REC114: variants seen among roughly 807,000 people sequenced by gnomAD.
The protein encoded by REC114 is REC114 meiotic recombination protein.
A neutral mutation model predicts 31.3 loss-of-function variants in REC114; 27 were observed. The observed-to-expected ratio is 0.86, with a 90% CI of 0.64 to 1.19. The LOEUF is 1.19. Ranked by LOEUF, REC114 falls within the 50% of genes most tolerant of loss-of-function variation. The pLI is 0.00. For synonymous variants in REC114, 134 were observed against 127.7 expected (o/e 1.05, Z -0.33); for missense variants, 344 against 326.9 (o/e 1.05, Z -0.40).
At chr15:73,518,951 C>T (rs997407521) in intron 2 of REC114, among the ~76,000 whole-genome samples, 3 of 152,134 alleles carry the variant, frequency 2.0e-5, no homozygotes, top group Non-Finnish European at 2.9e-5. Context: ...ATCTTAAAGA[C>T]ACATTGAGGC....
At chr15:73,537,253 C>T (rs1358079093) in intron 2 of REC114, among the ~76,000 whole-genome samples, 1 of 152,080 alleles carries the variant, frequency 6.6e-6, no homozygotes, top group East Asian at 1.9e-4. Context: ...AACAGAGTCA[C>T]CTAGTTGAGA....
At chr15:73,542,691 T>C (rs954160424) in intron 3 of REC114, among the ~76,000 whole-genome samples, 3 of 152,206 alleles carry the variant, frequency 2.0e-5, no homozygotes, top group Non-Finnish European at 2.9e-5. Flanking sequence ...CTTGTGCTAA[T>C]TGAGTGTCCA....
intron 2 of REC114, among the ~76,000 whole-genome samples, chr15:73,538,807 C>T (rs1894198004): frequency 6.6e-6 from 1 of 151,840 alleles, no homozygotes; most frequent in African/African-American, 2.4e-5. Flanking sequence ...CTACTTTTTA[C>T]ACCTGTATAG....
chr15:73,505,952 CT>C (rs1893670024), intron 2 of REC114, among the ~76,000 whole-genome samples: 1 of 152,132 alleles, frequency 6.6e-6, no homozygotes, highest in Admixed American at 6.6e-5. Context: ...TTTATTCCTA[CT>C]AATGGAGCGG....
intron 2 of REC114, among the ~76,000 whole-genome samples, chr15:73,487,862 C>T (rs1893392998): frequency 6.6e-6 from 1 of 151,648 alleles, no homozygotes; most frequent in Admixed American, 6.6e-5. Flanking sequence ...GTGGCCCCAC[C>T]ATGTGGTATT....
chr15:73,545,868 T>C (rs1894301505), intron 3 of REC114, among the ~76,000 whole-genome samples: 1 of 152,216 alleles, frequency 6.6e-6, no homozygotes, highest in African/African-American at 2.4e-5. Context: ...ATAGCTAATA[T>C]AAGGGTACTT....
chr15:73,454,936 T>C (rs1410672584), intron 1 of REC114, among the ~76,000 whole-genome samples: 1 of 152,212 alleles, frequency 6.6e-6, no homozygotes, highest in Admixed American at 6.5e-5. Context: ...TCTTCATAAT[T>C]GCTTATAAGG....
intron 2 of REC114, among the ~76,000 whole-genome samples, chr15:73,511,187 G>C (rs1214551893): frequency 1.3e-5 from 2 of 152,036 alleles, no homozygotes; most frequent in East Asian, 3.9e-4. Context: ...TGTATGTGTC[G>C]AGGAATTTAT....
At chr15:73,559,173 G>A (rs1894527581) in intron 5 of REC114, among the ~76,000 whole-genome samples, 1 of 152,188 alleles carries the variant, frequency 6.6e-6, no homozygotes, top group African/African-American at 2.4e-5. Flanking sequence ...TCACATAAAG[G>A]AATTTTTTTG....
At chr15:73,461,917 C>CTTT (rs1595861219) in intron 1 of REC114, among the ~76,000 whole-genome samples, 3 of 79,472 alleles carry the variant, frequency 3.8e-5, no homozygotes, top group Admixed American at 1.2e-4. Context: ...TTTTCTTTTT[C>CTTT]TTTTCTTTTT....
chr15:73,482,282 G>A (rs1221823342), intron 2 of REC114, among the ~76,000 whole-genome samples: 1 of 152,160 alleles, frequency 6.6e-6, no homozygotes, highest in Non-Finnish European at 1.5e-5. Flanking sequence ...GAATGGCTTG[G>A]TGCTGTCCTC....
intron 1 of REC114, among the ~76,000 whole-genome samples, chr15:73,448,176 G>A (rs539477725): frequency 1.0e-3 from 154 of 152,196 alleles, no homozygotes; most frequent in African/African-American, 3.6e-3. Context: ...AAAGGGGGCT[G>A]AAGCCAGGGA....
chr15:73,516,697 G>C (rs989249679), intron 2 of REC114, among the ~76,000 whole-genome samples: 1 of 151,996 alleles, frequency 6.6e-6, no homozygotes, highest in African/African-American at 2.4e-5. Context: ...AAGCAGTCTC[G>C]GCTCCCTGCA....
chr15:73,521,820 T>C (rs976084375), intron 2 of REC114, among the ~76,000 whole-genome samples: 1 of 152,208 alleles, frequency 6.6e-6, no homozygotes. Flanking sequence ...GTTTCTGTTA[T>C]TTAAAACCTT....
intron 2 of REC114, among the ~76,000 whole-genome samples, chr15:73,481,527 T>C (rs1893293495): frequency 6.6e-6 from 1 of 152,116 alleles, no homozygotes. Context: ...TGGGCTCAAC[T>C]GACTTTCCCT....
intron 2 of REC114, 26 bp downstream of exon 2, chr15:73,473,947 T>C: frequency 7.3e-7 from 1 of 1,368,464 alleles, no homozygotes; most frequent in Non-Finnish European, 1.0e-6. Flanking sequence ...AACAGTTTAA[T>C]ATGGAAATAC....
intron 2 of REC114, among the ~76,000 whole-genome samples, chr15:73,481,719 AAC>A (rs1302042118): frequency 7.5e-6 from 1 of 132,612 alleles, no homozygotes; most frequent in African/African-American, 2.9e-5. Flanking sequence ...AGTGCAGTGG[AAC>A]AGTCTCGGCT....
At chr15:73,531,329 A>T (rs967788223) in intron 2 of REC114, among the ~76,000 whole-genome samples, 3 of 151,990 alleles carry the variant, frequency 2.0e-5, no homozygotes, top group African/African-American at 7.3e-5. Context: ...CTGTGCATCC[A>T]TTTTCTTAGG....
intron 3 of REC114, among the ~76,000 whole-genome samples, chr15:73,549,065 G>A (rs1894353020): frequency 1.3e-5 from 2 of 151,964 alleles, no homozygotes; most frequent in African/African-American, 2.4e-5. Context: ...AATAACGAAT[G>A]GGTACTAGGC....
Sources: allele counts gnomAD v4.1 joint callset (sites outside exome capture counted in the v4.1 genomes callset), GRCh38; gene constraint gnomAD v4.1.1; transcripts MANE v1.5; gene names NCBI Gene and HGNC (gene_info 2026-07-23, HGNC 2026-07-21).